ARG1: variants seen among roughly 807,000 people sequenced by gnomAD.
The protein encoded by ARG1 is arginase-1.
In ARG1, 20 loss-of-function variants were observed where a neutral mutation model predicts 33.0. The ratio of observed to expected loss-of-function variants is 0.61; its 90% CI spans 0.43 to 0.88. The LOEUF (loss-of-function observed/expected upper bound fraction) is 0.88, where lower values mean the gene tolerates loss of function less well. ARG1 is among the 40% of genes least tolerant of loss of function. ARG1 has a pLI of 0.00. For missense variants in ARG1, 374 were observed against 384.7 expected, an observed-to-expected ratio of 0.97 and a Z score of 0.23; for synonymous variants, 146 against 140.6, an observed-to-expected ratio of 1.04 and a Z score of -0.27.
intron 2 of ARG1, among the ~76,000 whole-genome samples, chr6:131,577,896 T>G (rs1413616677): frequency 7.8e-6 from 1 of 128,806 alleles, no homozygotes; most frequent in Non-Finnish European, 1.6e-5. Flanking sequence ...AGAGCGAGAC[T>G]CCATCTCCAA....
At chr6:131,583,307 T>C (rs1562361177) in intron 6 of ARG1, 48 bp from the exon 7 acceptor site, 10 of 1,613,036 alleles carry the variant, frequency 6.2e-6, no homozygotes, top group African/African-American at 1.3e-5. Context: ...ATCTATGAAA[T>C]GTGAAGCCAT....
Position 131,581,369 on chromosome 6 carries a change from A to G in ARG1, c.456A>G (p.Leu152=), listed in dbSNP as rs1585420412. 6.2e-7 allele frequency: 1 copy of G among 1,612,796 alleles called. No individual in the cohort carries two copies. Among genetic ancestry groups the G allele is most frequent in the Non-Finnish European group, 8.5e-7 (1 of 1,179,402 alleles). ...GQPVSFLLKE[L]KGKIPDVPGF... ...CTGTATCTTTCCTCCTGAAGGAACTAAAAGGAAAGGTAAAAGACTGGTTGG... is the reference window on the plus strand; with the variant it reads ...CTGTATCTTTCCTCCTGAAGGAACTGAAAGGAAAGGTAAAAGACTGGTTGG... Residue 152 remains leucine (L), a synonymous_variant, in exon 4 of 8, where the codon CTA becomes CTG. Coordinates refer to ENST00000368087, the MANE Select transcript of ARG1 (RefSeq NM_000045.4).
intron 1 of ARG1, 107 bp downstream of exon 1, chr6:131,573,446 C>A: frequency 9.2e-7 from 1 of 1,081,886 alleles, no homozygotes; most frequent in Non-Finnish European, 1.4e-6. Flanking sequence ...CTGATACAAT[C>A]TGGCCAGGAA....
rs75012666 is a variant in ARG1 at position 131,581,156 on chromosome 6, A to C, written c.306-63A>C. On this transcript the variant is annotated intron_variant, in intron 3 of 7. Coordinates refer to ENST00000368087, the MANE Select transcript of ARG1 (RefSeq NM_000045.4). ...AAAACCAAGTGGGAGCATTGAGTGA[A>C]TAATATGATGTATGTAGTGACACTG... The C allele has an allele frequency of 7.7e-4, 1,182 of 1,533,152 alleles. 12 individuals carry two copies. In the East Asian group the frequency reaches 0.023, roughly 29 times the overall value. 95.0% of individuals were successfully genotyped at this position (1,533,152 alleles called of 1,614,324 possible).
chr6:131,578,495 TA>T (rs1190440945), intron 2 of ARG1, among the ~76,000 whole-genome samples: 2 of 152,124 alleles, frequency 1.3e-5, no homozygotes, highest in Non-Finnish European at 2.9e-5. Context: ...TTTTCCTTAC[TA>T]AAAAGAATAA....
Position 131,573,307 on chromosome 6 carries a change from G to C in ARG1, c.25G>C (p.Gly9Arg). 6.2e-7 allele frequency: 1 copy of C among 1,614,030 alleles called. No individual in the cohort carries two copies. Among genetic ancestry groups the C allele is most frequent in the East Asian group, 2.2e-5 (1 of 44,866 alleles). MSAKSRTIGIIGAPFSKGQ... is the reference protein window; with the variant it reads MSAKSRTIRIIGAPFSKGQ... ...CATGAGCGCCAAGTCCAGAACCATA[G>C]GGATTATTGGAGCTCCTTTCTCAAA... The change falls in exon 1 of 8, where the codon GGG becomes CGG. Residue 9 changes from glycine to arginine, a missense_variant. By Grantham distance (125) the Gly-to-Arg change is moderately radical (BLOSUM62 -2). Coordinates refer to ENST00000368087, the MANE Select transcript of ARG1 (RefSeq NM_000045.4).
At chr6:131,573,443 A>C in intron 1 of ARG1, 104 bp downstream of exon 1, 1 of 1,108,564 alleles carries the variant, frequency 9.0e-7, no homozygotes. Context: ...TTTCTGATAC[A>C]ATCTGGCCAG....
At position 131,584,221 on chromosome 6, in the gene ARG1, G is replaced by A. The variant is rs1417275513; in HGVS notation, c.*313G>A. The A allele has an allele frequency of 9.7e-6, 3 of 310,314 alleles. No homozygotes were observed. In the South Asian group the frequency reaches 1.1e-4, roughly 11 times the overall value. The allele number at this position is 310,314 out of a possible 1,614,324, so 19.2% of individuals were successfully genotyped here. A position where few individuals can be genotyped will look rare whatever the true frequency, so the allele number is the denominator to read the frequency against. ...ACACTTACATAAGCCCCCATACATAGAGTGGGACTCTTGGAATCAGGAGAC... is the reference window on the plus strand; with the variant it reads ...ACACTTACATAAGCCCCCATACATAAAGTGGGACTCTTGGAATCAGGAGAC... On this transcript the variant is annotated 3_prime_UTR_variant, in exon 8 of 8. Transcript: ENST00000368087.
rs974570903 is a variant in ARG1, at chr6:131,574,410, G to A, written c.57+1071G>A. ...CTCCAAAAGTCTCTCCCAAACACAG[G>A]GACATTTTGCTGACACAGAAATGTT... On this transcript the variant is annotated intron_variant, in intron 1 of 7. Transcript: ENST00000368087. The A allele has an allele frequency of 7.5e-6, 9 of 1,200,296 alleles. No individual in the cohort carries two copies. In the African/African-American group the frequency reaches 9.0e-5, roughly 12 times the overall value. The allele number at this position is 1,200,296 out of a possible 1,614,324, so 74.4% of individuals were successfully genotyped here. A position where few individuals can be genotyped will look rare whatever the true frequency, so the allele number is the denominator to read the frequency against.
At position 131,579,251 on chromosome 6, in the gene ARG1, G is replaced by A. The variant is rs374676787; in HGVS notation, c.271G>A (p.Gly91Arg). 74 of 1,613,932 alleles carry A rather than the reference G, an allele frequency of 4.6e-5. No homozygotes were observed. Among genetic ancestry groups the A allele is most frequent in the African/African-American group, 3.6e-4 (27 of 74,908 alleles). The change falls in exon 3 of 8, where the codon GGA becomes AGA. Residue 91 changes from glycine (G) to arginine (R), a missense_variant. Coordinates refer to ENST00000368087, the MANE Select transcript of ARG1 (RefSeq NM_000045.4). ...CAAGGTGGCAGAAGTCAAGAAGAAC[G>A]GAAGAATCAGCCTGGTGCTGGGCGG... ...AGKVAEVKKN[G>R]RISLVLGGDH... is the part of the protein sequence containing the mutation.
At chr6:131,580,664 C>T (rs1050275212) in intron 3 of ARG1, among the ~76,000 whole-genome samples, 1 of 152,124 alleles carries the variant, frequency 6.6e-6, no homozygotes, top group African/African-American at 2.4e-5. Context: ...TAACTAGATG[C>T]ATTGAATAGA....
chr6:131,576,804 T>A, intron 2 of ARG1, 69 bp downstream of exon 2: 1 of 1,373,030 alleles, frequency 7.3e-7, no homozygotes, highest in South Asian at 1.2e-5. Context: ...CAGGCCCCTG[T>A]GAACCTGGAG....
At chr6:131,583,235 A>G in intron 6 of ARG1, 71 bp downstream of exon 6, 1 of 1,596,348 alleles carries the variant, frequency 6.3e-7, no homozygotes, top group Non-Finnish European at 8.6e-7. Flanking sequence ...CAAAGTTATT[A>G]ATAAAGTCTT....
rs2114545822 is a variant in ARG1 at position 131,582,686 on chromosome 6, T to C, written c.531T>C (p.Ile177=). The change falls in exon 5 of 8, where the codon ATT becomes ATC. Residue 177 remains isoleucine, a synonymous_variant. Coordinates refer to ENST00000368087, the MANE Select transcript of ARG1 (RefSeq NM_000045.4). ...TATCTGCCAAGGATATTGTGTATAT[T>C]GGCTTGAGAGACGTGGACCCTGGGG... ...PCISAKDIVY[I]GLRDVDPGEH... The C allele has an allele frequency of 5.6e-6, 9 of 1,613,886 alleles. No individual in the cohort carries two copies. Among genetic ancestry groups the C allele is most frequent in the Non-Finnish European group, 6.8e-6 (8 of 1,179,814 alleles).
Position 131,584,242 on chromosome 6 carries a change from G to A in ARG1, c.*334G>A. The A allele has an allele frequency of 3.6e-6, 1 of 278,462 alleles. No homozygotes were observed. Among genetic ancestry groups the A allele is most frequent in the East Asian group, 9.5e-5 (1 of 10,564 alleles). 17.2% of individuals were successfully genotyped at this position (278,462 alleles called of 1,614,324 possible). A position where few individuals can be genotyped will look rare whatever the true frequency, so the allele number is the denominator to read the frequency against. The stretch of plus-strand genomic sequence containing the variant: ...CATAGAGTGGGACTCTTGGAATCAG[G>A]AGACAAAGCTACCACATGTGGAAAG... On this transcript the variant is annotated 3_prime_UTR_variant, in exon 8 of 8. Coordinates refer to ENST00000368087, the MANE Select transcript of ARG1 (RefSeq NM_000045.4).
chr6:131,583,375 T>G lies in ARG1; in HGVS notation c.686T>G (p.Leu229Arg). ...LLGRKKRPIH[L>R]SFDVDGLDPS... ...AAAAGAAAGAAAAGGCCAATTCATC[T>G]AAGTTTTGATGTTGACGGACTGGAC... The change falls in exon 7 of 8, where the codon CTA becomes CGA. Residue 229 changes from leucine (L) to arginine (R), a missense_variant. Transcript: ENST00000368087. The G allele has an allele frequency of 6.2e-7, 1 of 1,614,168 alleles. No homozygotes were observed. Among genetic ancestry groups the G allele is most frequent in the Non-Finnish European group, 8.5e-7 (1 of 1,180,008 alleles).
Position 131,583,981 on chromosome 6 carries a change from A to G in ARG1, c.*73A>G, listed in dbSNP as rs886061062. ...AAGCTAATCATTTTCTTAAGCATAG[A>G]GTTATCCTTCTAAAGACTTGTTCTT... On this transcript the variant is annotated 3_prime_UTR_variant, in exon 8 of 8. Coordinates refer to ENST00000368087, the MANE Select transcript of ARG1 (RefSeq NM_000045.4). 2.0e-6 allele frequency: 3 copies of G among 1,536,192 alleles called. No individual in the cohort carries two copies. Among genetic ancestry groups the G allele is most frequent in the Non-Finnish European group, 9.0e-7 (1 of 1,115,038 alleles).
rs41285338 is a variant in ARG1 at position 131,583,029 on chromosome 6, A to C, written c.561-31A>C. 9,211 of 1,486,186 alleles carry C rather than the reference A, an allele frequency of 6.2e-3. 36 individuals are homozygous for C. Among genetic ancestry groups the C allele is most frequent in the Middle Eastern group, 9.5e-3 (55 of 5,820 alleles). 92.1% of individuals were successfully genotyped at this position (1,486,186 alleles called of 1,614,324 possible). A position where few individuals can be genotyped will look rare whatever the true frequency, so the allele number is the denominator to read the frequency against. On this transcript the variant is annotated intron_variant, in intron 5 of 7. Coordinates refer to ENST00000368087, the MANE Select transcript of ARG1 (RefSeq NM_000045.4). ...ACAGGCGGGCACAGTCAGCCTTATT[A>C]ATTATAATTATCTTAATTTCTCTTT...
In ARG1 at chr6:131,576,646, A is replaced by T. The variant is rs762210089; in HGVS notation, c.58-17A>T. 2 of 1,610,736 alleles carry T rather than the reference A, an allele frequency of 1.2e-6. No individual in the cohort carries two copies. The highest frequency in any genetic ancestry group is 1.1e-5 in the South Asian group (1 of 90,988). On this transcript the variant is annotated splice_polypyrimidine_tract_variant and intron_variant, in intron 1 of 7. Transcript: ENST00000368087. ...GTCATGATAATGTCTGAAGTACTTT[A>T]TTTTTTAATTGTTCAGCCACGAGGA... is the stretch of plus-strand genomic sequence containing the variant.
Sources: gnomAD v4.1 joint callset for allele counts (sites outside exome capture counted in the v4.1 genomes callset) on GRCh38, gnomAD v4.1.1 for gene constraint, MANE v1.5 for transcripts, NCBI Gene and HGNC (gene_info 2026-07-23, HGNC 2026-07-21) for gene names.